The following C2CD5 variants were observed in gnomAD, a reference collection of about 807,000 sequenced individuals.
The protein encoded by C2CD5 is C2 domain-containing protein 5.
Under a neutral mutation model 130.3 loss-of-function variants are expected in C2CD5, and 109 were observed. The ratio of observed to expected loss-of-function variants is 0.84; its 90% CI spans 0.72 to 0.98. The LOEUF is 0.98. C2CD5 is among the 50% of genes least tolerant of loss of function. The pLI is 0.00. For synonymous variants in C2CD5, 454 were observed against 429.2 expected, an observed-to-expected ratio of 1.06 and a Z score of -0.71; for missense variants, 996 against 1,261.8, an observed-to-expected ratio of 0.79 and a Z score of 3.19.
At chr12:22,523,355 C>A in intron 7 of C2CD5, 71 bp downstream of exon 7, 1 of 1,258,602 alleles carries the variant, frequency 7.9e-7, no homozygotes, top group Admixed American at 2.0e-5. Context: ...TAAAATGTTT[C>A]AAATCAAATG....
intron 3 of C2CD5, among the ~76,000 whole-genome samples, chr12:22,528,353 C>T (rs61376809): frequency 0.035 from 5,397 of 152,244 alleles, 350 homozygotes; most frequent in African/African-American, 0.12. Flanking sequence ...GAAAAAACAA[C>T]CTAAGTTCAC....
intron 10 of C2CD5, chr12:22,502,910 G>A: frequency 1.5e-6 from 1 of 648,984 alleles, no homozygotes; most frequent in Admixed American, 2.5e-5. Flanking sequence ...CCACTCGACA[G>A]GAACTGGAAA....
chr12:22,535,952 G>A (rs1378649688), intron 2 of C2CD5, among the ~76,000 whole-genome samples: 7 of 152,036 alleles, frequency 4.6e-5, no homozygotes, highest in Non-Finnish European at 1.0e-4. Flanking sequence ...GTACACAATG[G>A]CATATATCAG....
chr12:22,497,778 T>C (rs1029058869), intron 10 of C2CD5, among the ~76,000 whole-genome samples: 1 of 152,096 alleles, frequency 6.6e-6, no homozygotes, highest in African/African-American at 2.4e-5. Context: ...TTTGTGATGT[T>C]AGGATGAAAC....
chr12:22,512,571 A>G, intron 9 of C2CD5: 1 of 1,085,782 alleles, frequency 9.2e-7, no homozygotes, highest in Non-Finnish European at 1.3e-6. Context: ...ATTAAATAAA[A>G]TTTAAATGAC....
chr12:22,519,196 G>T, intron 7 of C2CD5: 1 of 1,535,878 alleles, frequency 6.5e-7, no homozygotes, highest in Non-Finnish European at 8.7e-7. Context: ...GGGCTGTTGT[G>T]AGTCGAGCGG....
Position 22,469,738 on chromosome 12 carries a change from A to G in C2CD5, c.2504T>C (p.Leu835Pro). ...AGCTGGTGGAAAAGGATGAGAAGGAAGTGAATCTGAACACAGTTCCAGTGG... is the reference window on the plus strand; with the variant it reads ...AGCTGGTGGAAAAGGATGAGAAGGAGGTGAATCTGAACACAGTTCCAGTGG... ...QFPLELCSDS[L>P]PSHPFPPAKE... The change falls in exon 22 of 27, where the codon CTT (leucine) becomes CCT (proline). Residue 835 changes from leucine (L) to proline (P), a missense_variant. Transcript: ENST00000446597. 1.9e-6 allele frequency: 3 copies of G among 1,606,074 alleles called. No homozygotes were observed. Among genetic ancestry groups the G allele is most frequent in the Admixed American group, 3.4e-5 (2 of 59,098 alleles).
At chr12:22,499,325 G>A (rs1947447061) in intron 10 of C2CD5, among the ~76,000 whole-genome samples, 1 of 152,156 alleles carries the variant, frequency 6.6e-6, no homozygotes, top group African/African-American at 2.4e-5. Context: ...TTAATTTATA[G>A]TTAAGAGTAC....
intron 15 of C2CD5, 53 bp from the exon 16 acceptor site, chr12:22,474,944 A>T: frequency 7.8e-7 from 1 of 1,277,590 alleles, no homozygotes; most frequent in Non-Finnish European, 1.1e-6. Context: ...TTCCAGTTTA[A>T]ATTTTACATC....
chr12:22,450,530 T>C, intron 26 of C2CD5, among the ~76,000 whole-genome samples: 1 of 152,110 alleles, frequency 6.6e-6, no homozygotes, highest in East Asian at 1.9e-4. Flanking sequence ...AATCTTATGA[T>C]AAATTAAGAA....
At chr12:22,474,049 A>G (rs912600168) in intron 16 of C2CD5, among the ~76,000 whole-genome samples, 4 of 152,012 alleles carry the variant, frequency 2.6e-5, no homozygotes, top group African/African-American at 9.7e-5. Context: ...TAAACCTCCA[A>G]TCCCATCCCA....
rs567052263 is a variant in C2CD5 at position 22,452,006 on chromosome 12, A to G, written c.3024+1890T>C. On this transcript the variant is annotated intron_variant, in intron 26 of 26. Transcript: ENST00000446597. ...GTTATAGATGAGAAAACTGAGGCAT[A>G]GAGATAAGTTCTGTTCTGGATAAGC... 1.2e-4 allele frequency among the ~76,000 whole-genome samples: 18 copies of G among 152,328 alleles called. 1 individual carries two copies. Among genetic ancestry groups the G allele is most frequent in the Non-Finnish European group, 2.9e-5 (2 of 68,028 alleles).
At chr12:22,528,040 C>G (rs1950884759) in intron 3 of C2CD5, 148 bp from the exon 4 acceptor site, 5 of 465,992 alleles carry the variant, frequency 1.1e-5, no homozygotes, top group Non-Finnish European at 1.8e-5. Context: ...AGAATTAACA[C>G]ACAAAAAGAT....
intron 14 of C2CD5, among the ~76,000 whole-genome samples, chr12:22,481,620 C>T (rs1190835631): frequency 6.8e-6 from 1 of 146,104 alleles, no homozygotes; most frequent in African/African-American, 2.5e-5. Flanking sequence ...TTTCTTGTCT[C>T]ATATTTCATC....
At chr12:22,488,751 T>C (rs1331614957) in intron 12 of C2CD5, among the ~76,000 whole-genome samples, 5 of 152,124 alleles carry the variant, frequency 3.3e-5, no homozygotes, top group Non-Finnish European at 5.9e-5. Context: ...TAATAGTCAA[T>C]ATCCATTTTA....
At chr12:22,542,123 C>T (rs948489942) in intron 2 of C2CD5, among the ~76,000 whole-genome samples, 1 of 152,212 alleles carries the variant, frequency 6.6e-6, no homozygotes, top group African/African-American at 2.4e-5. Context: ...ATTTTACCAC[C>T]TTCTTAACTG....
chr12:22,531,820 T>G (rs1565806488), intron 3 of C2CD5, among the ~76,000 whole-genome samples: 1 of 152,252 alleles, frequency 6.6e-6, no homozygotes, highest in Non-Finnish European at 1.5e-5. Context: ...CCATAAATGC[T>G]GAGTCTACAG....
At chr12:22,539,709 G>C (rs1005281140) in intron 2 of C2CD5, among the ~76,000 whole-genome samples, 2 of 152,122 alleles carry the variant, frequency 1.3e-5, no homozygotes, top group Non-Finnish European at 2.9e-5. Context: ...AACCTACCTA[G>C]AAGACCAGGT....
chr12:22,505,649 G>A (rs1271766457), intron 10 of C2CD5, among the ~76,000 whole-genome samples: 1 of 152,054 alleles, frequency 6.6e-6, no homozygotes, highest in East Asian at 1.9e-4. Flanking sequence ...CATTCCATAT[G>A]GAAAGTTCCC....
Sources: allele counts gnomAD v4.1 joint callset (sites outside exome capture counted in the v4.1 genomes callset), GRCh38; gene constraint gnomAD v4.1.1; transcripts MANE v1.5; gene names NCBI Gene and HGNC (gene_info 2026-07-23, HGNC 2026-07-21).